Variants in LYPD6 observed in about 807,000 individuals in gnomAD.
LYPD6 encodes LY6/PLAUR domain containing 6, also known as ly6/PLAUR domain-containing protein 6.
Under a neutral mutation model 22.7 loss-of-function variants are expected in LYPD6, and 15 were observed. The observed-to-expected ratio is 0.66, with a 90% confidence interval of 0.44 to 1.02. The LOEUF is 1.02. Among genes scored for constraint, LYPD6 ranks in the 50% least tolerant of loss-of-function variants. The pLI is 0.00. For missense variants in LYPD6, 189 were observed against 208.4 expected (o/e 0.91, Z 0.57); for synonymous variants, 72 against 77.5 (o/e 0.93, Z 0.37).
chr2:149,479,661 A>C, the LYPD6 span, among the ~76,000 whole-genome samples: 1 of 152,068 alleles, frequency 6.6e-6, no homozygotes, highest in Admixed American at 6.5e-5. Context: ...AAATCCTGTC[A>C]ATTTTTTCTC....
chr2:149,409,440 G>A (rs1682805011), intron 1 of LYPD6, among the ~76,000 whole-genome samples: 1 of 152,176 alleles, frequency 6.6e-6, no homozygotes, highest in Non-Finnish European at 1.5e-5. Flanking sequence ...TAGGGAGGAT[G>A]CACACTTGCC....
intron 1 of LYPD6, among the ~76,000 whole-genome samples, chr2:149,342,963 A>G (rs952050719): frequency 2.6e-5 from 4 of 152,224 alleles, no homozygotes; most frequent in Admixed American, 1.3e-4. Context: ...AACTTTCTCA[A>G]TGAAGGGCAC....
chr2:149,377,635 C>T (rs1460079953), intron 1 of LYPD6, among the ~76,000 whole-genome samples: 2 of 152,132 alleles, frequency 1.3e-5, no homozygotes, highest in African/African-American at 4.8e-5. Context: ...CAAAAGTTAG[C>T]CCGGTGTGGT....
At chr2:149,389,259 G>A (rs1484418813) in intron 1 of LYPD6, among the ~76,000 whole-genome samples, 4 of 152,206 alleles carry the variant, frequency 2.6e-5, no homozygotes, top group South Asian at 2.1e-4. Flanking sequence ...TCCTGTAGAT[G>A]CCCGAGAGAG....
intron 1 of LYPD6, among the ~76,000 whole-genome samples, chr2:149,343,301 TAAAG>T (rs1298456860): frequency 2.6e-5 from 4 of 152,076 alleles, no homozygotes; most frequent in East Asian, 1.9e-4. Flanking sequence ...GAACTTTTAA[TAAAG>T]AAAGTATCAT....
chr2:149,475,847 G>A (rs901048149), downstream of LYPD6, among the ~76,000 whole-genome samples: 1 of 152,168 alleles, frequency 6.6e-6, no homozygotes, highest in African/African-American at 2.4e-5. Flanking sequence ...AAGCTTTGGA[G>A]TGGTTTTGGG....
At chr2:149,359,716 C>T (rs1681534514) in intron 1 of LYPD6, among the ~76,000 whole-genome samples, 1 of 152,144 alleles carries the variant, frequency 6.6e-6, no homozygotes, top group South Asian at 2.1e-4. Flanking sequence ...AGAGTTAACT[C>T]CATGAAAGGT....
chr2:149,480,405 C>T, the LYPD6 span, among the ~76,000 whole-genome samples: 1 of 152,188 alleles, frequency 6.6e-6, no homozygotes, highest in Admixed American at 6.5e-5. Context: ...ACCCTCTCTC[C>T]ATTGACCTGG....
rs138189377 is a variant in LYPD6, at chr2:149,451,155, G to C, written c.217+2008G>C. ...ATCAAGGTGCCGGCAGGTTCTAGAA[G>C]GGCATAGACTCTCTGCTTTCAAGGT... On this transcript the variant is annotated intron_variant, in intron 3 of 4. Coordinates refer to ENST00000334166, the MANE Select transcript of LYPD6 (RefSeq NM_194317.5). Among the ~76,000 whole-genome samples the C allele has an allele frequency of 5.8e-3, 879 of 152,250 alleles. 12 individuals carry two copies. Among genetic ancestry groups the C allele is most frequent in the African/African-American group, 0.02 (829 of 41,516 alleles).
chr2:149,383,687 A>G (rs892164799), intron 1 of LYPD6, among the ~76,000 whole-genome samples: 9 of 152,208 alleles, frequency 5.9e-5, no homozygotes, highest in Middle Eastern at 3.2e-3. Flanking sequence ...CAATGAAGTG[A>G]TCATACATTG....
chr2:149,347,778 T>G (rs1043614725), intron 1 of LYPD6, among the ~76,000 whole-genome samples: 10 of 152,146 alleles, frequency 6.6e-5, no homozygotes, highest in Non-Finnish European at 1.0e-4. Context: ...TAAAAAATAG[T>G]TACATCTTTT....
At chr2:149,468,835 C>T in intron 4 of LYPD6, 60 bp downstream of exon 4, 1 of 1,573,526 alleles carries the variant, frequency 6.4e-7, no homozygotes, top group African/African-American at 1.3e-5. Context: ...CTTCAGACAT[C>T]TGCCAGTACT....
intron 1 of LYPD6, among the ~76,000 whole-genome samples, chr2:149,344,106 C>T (rs1337600475): frequency 1.3e-5 from 2 of 152,164 alleles, no homozygotes; most frequent in African/African-American, 4.8e-5. Context: ...TATCTGGTGT[C>T]TGACGTCCTT....
intron 1 of LYPD6, among the ~76,000 whole-genome samples, chr2:149,376,543 T>A (rs1402255636): frequency 6.6e-6 from 1 of 152,142 alleles, no homozygotes; most frequent in African/African-American, 2.4e-5. Context: ...ATACTACTAA[T>A]AATAACTACT....
At chr2:149,445,342 C>G (rs1026232046) in intron 2 of LYPD6, among the ~76,000 whole-genome samples, 3 of 152,146 alleles carry the variant, frequency 2.0e-5, no homozygotes, top group African/African-American at 7.2e-5. Flanking sequence ...GCATTGGCTT[C>G]AATTTAAAAT....
intron 1 of LYPD6, among the ~76,000 whole-genome samples, chr2:149,428,758 T>C (rs1213286196): frequency 1.3e-5 from 2 of 152,242 alleles, no homozygotes; most frequent in African/African-American, 2.4e-5. Context: ...GCAGAATGCA[T>C]TGCGAATGCC....
intron 1 of LYPD6, among the ~76,000 whole-genome samples, chr2:149,355,253 G>T (rs909415911): frequency 2.0e-5 from 3 of 152,118 alleles, no homozygotes; most frequent in African/African-American, 7.2e-5. Flanking sequence ...GTCAGTAGAA[G>T]AATACATCTT....
intron 2 of LYPD6, among the ~76,000 whole-genome samples, chr2:149,444,121 A>G (rs1404030186): frequency 6.6e-6 from 1 of 151,904 alleles, no homozygotes; most frequent in African/African-American, 2.4e-5. Context: ...TTTAGTAGAG[A>G]CAGGATTTCT....
chr2:149,435,837 T>TGTCC (rs1396918345), intron 1 of LYPD6, among the ~76,000 whole-genome samples: 2 of 152,214 alleles, frequency 1.3e-5, no homozygotes, highest in African/African-American at 4.8e-5. Context: ...ATTATCAAGC[T>TGTCC]GTTACAAGTG....
Sources: allele counts gnomAD v4.1 joint callset (sites outside exome capture counted in the v4.1 genomes callset), GRCh38; gene constraint gnomAD v4.1.1; transcripts MANE v1.5; gene names NCBI Gene and HGNC (gene_info 2026-07-23, HGNC 2026-07-21).